PTPRD: variants seen among roughly 807,000 people sequenced by gnomAD.
The protein encoded by PTPRD is receptor-type tyrosine-protein phosphatase delta.
PTPRD carries 34 observed loss-of-function variants against 214.5 expected under a neutral mutation model. The ratio of observed to expected loss-of-function variants is 0.16; its 90% CI spans 0.12 to 0.21. PTPRD has a LOEUF of 0.21. Ranked by LOEUF, PTPRD falls within the 10% of genes least tolerant of loss-of-function variation. The pLI, the probability that PTPRD is intolerant of heterozygous loss-of-function variation, is 1.00. For missense variants in PTPRD, 2,545 were observed against 2,398.7 expected (o/e 1.06, Z -1.27); for synonymous variants, 1,128 against 845.7 (o/e 1.33, Z -5.79).
intron 7 of PTPRD, among the ~76,000 whole-genome samples, chr9:9,610,035 A>C (rs972653951): frequency 1.3e-5 from 2 of 152,096 alleles, no homozygotes; most frequent in Non-Finnish European, 1.5e-5. Context: ...TTCTCCTCTC[A>C]TTTATGTTAG....
chr9:8,655,526 T>C (rs1390008635), intron 12 of PTPRD, among the ~76,000 whole-genome samples: 2 of 152,140 alleles, frequency 1.3e-5, no homozygotes, highest in East Asian at 1.9e-4. Context: ...ACATCTGAAC[T>C]TCAAATTTTA....
At chr9:9,686,296 A>AT (rs2097166421) in intron 7 of PTPRD, among the ~76,000 whole-genome samples, 3 of 150,524 alleles carry the variant, frequency 2.0e-5, no homozygotes, top group African/African-American at 4.9e-5. Context: ...TGTATGAATT[A>AT]TTTTTTCTAA....
chr9:8,581,597 A>C (rs1384837491), intron 14 of PTPRD, among the ~76,000 whole-genome samples: 1 of 152,054 alleles, frequency 6.6e-6, no homozygotes, highest in Non-Finnish European at 1.5e-5. Context: ...AAATACAAAA[A>C]ATTAGCTGGG....
At chr9:9,054,952 C>A (rs2099693515) in intron 10 of PTPRD, among the ~76,000 whole-genome samples, 1 of 152,122 alleles carries the variant, frequency 6.6e-6, no homozygotes, top group East Asian at 1.9e-4. Flanking sequence ...ATCGGGATGT[C>A]TATATAACAT....
intron 6 of PTPRD, among the ~76,000 whole-genome samples, chr9:9,748,556 C>A (rs1456022183): frequency 6.6e-6 from 1 of 152,142 alleles, no homozygotes; most frequent in African/African-American, 2.4e-5. Context: ...GACAGAAAAG[C>A]AGGATGGTGT....
chr9:8,443,605 G>C (rs1350784594), intron 34 of PTPRD, among the ~76,000 whole-genome samples: 1 of 152,182 alleles, frequency 6.6e-6, no homozygotes, highest in Non-Finnish European at 1.5e-5. Flanking sequence ...TGTAACATCT[G>C]ATCATCGAGT....
chr9:8,890,080 G>A (rs2098525741), intron 11 of PTPRD, among the ~76,000 whole-genome samples: 2 of 152,158 alleles, frequency 1.3e-5, no homozygotes, highest in African/African-American at 2.4e-5. Flanking sequence ...CCCTCCAGTA[G>A]TGTAAAAGTG....
chr9:8,568,294 A>T (rs2090035101), intron 14 of PTPRD, among the ~76,000 whole-genome samples: 1 of 152,074 alleles, frequency 6.6e-6, no homozygotes, highest in Non-Finnish European at 1.5e-5. Flanking sequence ...AGGACCAAGA[A>T]TTTCATGAAT....
chr9:9,536,962 C>T (rs544772276), intron 8 of PTPRD, among the ~76,000 whole-genome samples: 1 of 152,052 alleles, frequency 6.6e-6, no homozygotes, highest in South Asian at 2.1e-4. Context: ...CAGCTAAGTA[C>T]GTATCAGCCT....
chr9:8,912,463 G>A (rs879522678), intron 11 of PTPRD, among the ~76,000 whole-genome samples: 7 of 152,178 alleles, frequency 4.6e-5, no homozygotes, highest in East Asian at 1.9e-4. Context: ...ACAAACCTAC[G>A]GAGACAGAAA....
intron 11 of PTPRD, among the ~76,000 whole-genome samples, chr9:8,994,556 T>C (rs1483971866): frequency 2.0e-5 from 3 of 151,928 alleles, no homozygotes; most frequent in Admixed American, 6.6e-5. Context: ...GCTAGAAAGC[T>C]TAGAGGGAGA....
chr9:9,070,342 A>G (rs546894438), intron 10 of PTPRD, among the ~76,000 whole-genome samples: 1 of 152,302 alleles, frequency 6.6e-6, no homozygotes, highest in South Asian at 2.1e-4. Context: ...CTTTCATTCC[A>G]TTATAGAAAT....
intron 11 of PTPRD, among the ~76,000 whole-genome samples, chr9:8,821,911 C>T (rs146885369): frequency 7.2e-5 from 11 of 152,306 alleles, no homozygotes; most frequent in African/African-American, 2.6e-4. Context: ...GATCCACCCA[C>T]CTCGGTCTCT....
chr9:8,667,559 C>G (rs145906416), intron 12 of PTPRD, among the ~76,000 whole-genome samples: 236 of 152,036 alleles, frequency 1.6e-3, no homozygotes, highest in African/African-American at 5.5e-3. Context: ...TCATTTCATG[C>G]ACAAACTTAT....
chr9:9,093,962 A>T (rs1306034875), intron 10 of PTPRD, among the ~76,000 whole-genome samples: 1 of 152,152 alleles, frequency 6.6e-6, no homozygotes, highest in African/African-American at 2.4e-5. Flanking sequence ...CACAACATCA[A>T]GAATGAAAAG....
intron 9 of PTPRD, among the ~76,000 whole-genome samples, chr9:9,298,803 C>A (rs571459424): frequency 6.6e-6 from 1 of 151,544 alleles, no homozygotes; most frequent in East Asian, 2.0e-4. Context: ...ATTAGCTGTT[C>A]AATAGAAGTT....
intron 2 of PTPRD, among the ~76,000 whole-genome samples, chr9:10,585,659 T>G (rs1393926050): frequency 6.6e-6 from 1 of 151,926 alleles, no homozygotes; most frequent in East Asian, 1.9e-4. Flanking sequence ...TTAAAGTATC[T>G]CTAAATTGTA....
At chr9:8,939,978 C>G (rs2099021280) in intron 11 of PTPRD, among the ~76,000 whole-genome samples, 1 of 149,268 alleles carries the variant, frequency 6.7e-6, no homozygotes, top group Non-Finnish European at 1.5e-5. Context: ...TTTTTTTAAC[C>G]AGAGTAGCAA....
chr9:9,045,652 G>A (rs931087187), intron 10 of PTPRD, among the ~76,000 whole-genome samples: 1 of 152,090 alleles, frequency 6.6e-6, no homozygotes, highest in African/African-American at 2.4e-5. Context: ...TTTTCTGCCT[G>A]ACTAAGCTTA....
Sources: allele counts gnomAD v4.1 joint callset (sites outside exome capture counted in the v4.1 genomes callset), GRCh38; gene constraint gnomAD v4.1.1; transcripts MANE v1.5; gene names NCBI Gene and HGNC (gene_info 2026-07-23, HGNC 2026-07-21).